ROBO2: variants seen among roughly 807,000 people sequenced by gnomAD.
ROBO2 encodes the protein roundabout homolog 2.
In ROBO2, 53 loss-of-function variants were observed where a neutral mutation model predicts 160.8. That is an observed-to-expected ratio of 0.33 (90% CI 0.26 to 0.41). ROBO2 has a LOEUF of 0.41. Ranked by LOEUF, ROBO2 falls within the 10% of genes least tolerant of loss-of-function variation. The pLI is 1.00. For synonymous variants in ROBO2, 664 were observed against 611.7 expected, an observed-to-expected ratio of 1.09 and a Z score of -1.26; for missense variants, 1,577 against 1,722.4, an observed-to-expected ratio of 0.92 and a Z score of 1.49.
rs12494575 is a variant in ROBO2, at chr3:77,509,333, G to C, written c.807-13442G>C. ...AAAGCAGCAAGTTCCCCTGCATCTT[G>C]TCTTCCCCAGCTTAACAATCCCGCA... is the stretch of plus-strand genomic sequence containing the variant. On this transcript the variant is annotated intron_variant, in intron 5 of 25. Transcript: ENST00000461745. Among the ~76,000 whole-genome samples, 1,165 of 152,132 alleles carry C rather than the reference G, an allele frequency of 7.7e-3. 24 individuals are homozygous for C. Among genetic ancestry groups the C allele is most frequent in the Admixed American group, 0.035 (532 of 15,256 alleles).
At position 77,602,501 on chromosome 3, in the gene ROBO2, G is replaced by A; in HGVS notation, c.3136+10G>A. The A allele has an allele frequency of 6.2e-7, 1 of 1,613,990 alleles. No homozygotes were observed. Among genetic ancestry groups the A allele is most frequent in the East Asian group, 2.2e-5 (1 of 44,880 alleles). On this transcript the variant is annotated intron_variant, in intron 20 of 25. Transcript: ENST00000461745. Reference sequence around the variant, plus strand: ...AACAAAGGTAACAATGGTGAGTCAGGTTCTTGTGTCCTGAGGAGGTATTTT... The same window carrying A: ...AACAAAGGTAACAATGGTGAGTCAGATTCTTGTGTCCTGAGGAGGTATTTT...
At chr3:77,390,141 A>G (rs2074568235) in intron 2 of ROBO2, among the ~76,000 whole-genome samples, 1 of 152,170 alleles carries the variant, frequency 6.6e-6, no homozygotes, top group South Asian at 2.1e-4. Context: ...CCTTAAGGCC[A>G]GTCCTTCCGC....
At chr3:77,571,082 G>A (rs761754994) in intron 13 of ROBO2, among the ~76,000 whole-genome samples, 5 of 151,956 alleles carry the variant, frequency 3.3e-5, no homozygotes, top group Non-Finnish European at 5.9e-5. Context: ...TTTACTTTTT[G>A]TCTTTGTTTT....
At chr3:77,057,966 T>A (rs1241084318) in intron 1 of ROBO2, among the ~76,000 whole-genome samples, 1 of 152,026 alleles carries the variant, frequency 6.6e-6, no homozygotes, top group Admixed American at 6.6e-5. Context: ...GTTCTGCACA[T>A]GTATCCAGAA....
At position 77,189,932 on chromosome 3, in the gene ROBO2, A is replaced by G. The variant is rs140282366; in HGVS notation, c.388+91592A>G. On this transcript the variant is annotated intron_variant, in intron 2 of 25. Coordinates refer to ENST00000461745, the Ensembl canonical transcript of ROBO2. ...GTTTCCCAGATGTAGTTCTACCTTA[A>G]GTATAATTTACCACATTATTTGAAT... 6.2e-3 allele frequency among the ~76,000 whole-genome samples: 944 copies of G among 152,024 alleles called. 11 individuals carry two copies. Among genetic ancestry groups the G allele is most frequent in the African/African-American group, 0.02 (840 of 41,540 alleles).
intron 2 of ROBO2, among the ~76,000 whole-genome samples, chr3:77,328,418 T>A (rs2065653628): frequency 6.6e-6 from 1 of 152,210 alleles, no homozygotes; most frequent in Non-Finnish European, 1.5e-5. Flanking sequence ...ACTAATATTC[T>A]GTGAAGAGTT....
intron 2 of ROBO2, among the ~76,000 whole-genome samples, chr3:75,996,541 C>G (rs1286682536): frequency 6.6e-6 from 1 of 152,146 alleles, no homozygotes; most frequent in Non-Finnish European, 1.5e-5. Context: ...AATAATAGAC[C>G]TTAGTGACTA....
At chr3:76,940,133 C>T (rs1035852343) in intron 2 of ROBO2, among the ~76,000 whole-genome samples, 18 of 152,010 alleles carry the variant, frequency 1.2e-4, no homozygotes, top group Non-Finnish European at 1.6e-4. Flanking sequence ...AGGCGCCCGC[C>T]ACCACGCCCG....
At chr3:77,078,674 T>C (rs2068281898) in intron 1 of ROBO2, among the ~76,000 whole-genome samples, 1 of 152,204 alleles carries the variant, frequency 6.6e-6, no homozygotes, top group African/African-American at 2.4e-5. Context: ...AGTGTTCTAG[T>C]AGCAAATGTA....
At chr3:76,287,542 C>T (rs1161518835) in intron 2 of ROBO2, among the ~76,000 whole-genome samples, 1 of 152,028 alleles carries the variant, frequency 6.6e-6, no homozygotes, top group Non-Finnish European at 1.5e-5. Context: ...TCAGGTGATC[C>T]ACCCACCTCA....
chr3:77,292,251 G>C (rs1405578987), intron 2 of ROBO2, among the ~76,000 whole-genome samples: 1 of 151,218 alleles, frequency 6.6e-6, no homozygotes, highest in Admixed American at 6.6e-5. Context: ...AAGCAAAATT[G>C]ACGGCCAAAC....
At chr3:76,289,473 C>G (rs1708697181) in intron 2 of ROBO2, among the ~76,000 whole-genome samples, 1 of 151,990 alleles carries the variant, frequency 6.6e-6, no homozygotes. Flanking sequence ...TTTGTTTGCT[C>G]TGCAGAAGCT....
intron 2 of ROBO2, among the ~76,000 whole-genome samples, chr3:76,931,577 G>A (rs902739365): frequency 6.0e-5 from 6 of 99,558 alleles, no homozygotes; most frequent in Non-Finnish European, 1.1e-4. Context: ...ACACACACAC[G>A]TATATATGAG....
At chr3:77,546,815 C>A (rs1316060431) in intron 7 of ROBO2, among the ~76,000 whole-genome samples, 1 of 152,006 alleles carries the variant, frequency 6.6e-6, no homozygotes, top group Non-Finnish European at 1.5e-5. Flanking sequence ...AGAGTCAGGA[C>A]ATATGCAGTA....
chr3:76,200,946 T>G (rs888985635), intron 2 of ROBO2, among the ~76,000 whole-genome samples: 2 of 152,324 alleles, frequency 1.3e-5, no homozygotes, highest in Admixed American at 1.3e-4. Flanking sequence ...GATTTATTGA[T>G]GTTTTTTCCT....
At chr3:76,358,901 T>C (rs1237047349) in intron 2 of ROBO2, among the ~76,000 whole-genome samples, 1 of 150,538 alleles carries the variant, frequency 6.6e-6, no homozygotes, top group Non-Finnish European at 1.5e-5. Flanking sequence ...TAGGTATATC[T>C]CCTAATGCTA....
chr3:77,524,227 T>C (rs1212305281), intron 6 of ROBO2, among the ~76,000 whole-genome samples: 1 of 151,184 alleles, frequency 6.6e-6, no homozygotes, highest in African/African-American at 2.4e-5. Context: ...CATAAAAACA[T>C]TTTCATTCTT....
chr3:76,857,825 C>T (rs1159665225), intron 2 of ROBO2, among the ~76,000 whole-genome samples: 3 of 152,180 alleles, frequency 2.0e-5, no homozygotes, highest in African/African-American at 7.2e-5. Context: ...CTTAGCCTTA[C>T]TCACAAGGTC....
At chr3:77,617,852 CTGAT>C in intron 22 of ROBO2, 79 bp downstream of exon 23, 1 of 1,442,860 alleles carries the variant, frequency 6.9e-7, no homozygotes. Flanking sequence ...ACAAGAGATT[CTGAT>C]AGAACTACAC....
Sources: gnomAD v4.1 joint callset for allele counts (sites outside exome capture counted in the v4.1 genomes callset) on GRCh38, gnomAD v4.1.1 for gene constraint, MANE v1.5 for transcripts, NCBI Gene and HGNC (gene_info 2026-07-23, HGNC 2026-07-21) for gene names.